Variants in MAF observed in about 807,000 individuals in gnomAD.
MAF encodes the protein transcription factor Maf.
In MAF, 10 loss-of-function variants were observed where a neutral mutation model predicts 22.0. That is an observed-to-expected ratio of 0.45 (90% CI 0.28 to 0.77). The LOEUF (loss-of-function observed/expected upper bound fraction) is 0.77. Ranked by LOEUF, MAF falls within the 30% of genes least tolerant of loss-of-function variation. The pLI is 0.12. For synonymous variants in MAF, 337 were observed against 255.8 expected, an observed-to-expected ratio of 1.32 and a Z score of -3.03; for missense variants, 544 against 548.4, an observed-to-expected ratio of 0.99 and a Z score of 0.08.
downstream of MAF, among the ~76,000 whole-genome samples, chr16:79,592,295 G>C (rs948898686): frequency 2.0e-5 from 3 of 152,144 alleles, no homozygotes; most frequent in African/African-American, 7.2e-5. Flanking sequence ...ACAATCATGA[G>C]ACAGCCTGGG....
chr16:79,488,638 G>T, the MAF span, among the ~76,000 whole-genome samples: 1 of 152,116 alleles, frequency 6.6e-6, no homozygotes, highest in African/African-American at 2.4e-5. Context: ...ACCATTATTA[G>T]AGAGACTGAA....
At chr16:79,296,409 T>C in the MAF span, among the ~76,000 whole-genome samples, 6 of 152,040 alleles carry the variant, frequency 3.9e-5, no homozygotes, top group Admixed American at 2.0e-4. Flanking sequence ...AAATAGCTAA[T>C]GCATGCGGGG....
the MAF span, among the ~76,000 whole-genome samples, chr16:79,488,460 A>T: frequency 6.6e-6 from 1 of 152,046 alleles, no homozygotes; most frequent in African/African-American, 2.4e-5. Context: ...GAGCCCACAT[A>T]ATCACTCTAT....
chr16:79,305,245 G>T, the MAF span, among the ~76,000 whole-genome samples: 3 of 152,196 alleles, frequency 2.0e-5, no homozygotes, highest in Non-Finnish European at 2.9e-5. Flanking sequence ...GGCCCTGACG[G>T]TTCCCACCAG....
At chr16:79,411,672 A>C in the MAF span, among the ~76,000 whole-genome samples, 8 of 152,180 alleles carry the variant, frequency 5.3e-5, no homozygotes, top group Non-Finnish European at 7.3e-5. Context: ...GCCAACTCCA[A>C]CTACTATCTT....
the MAF span, among the ~76,000 whole-genome samples, chr16:79,287,049 G>T: frequency 6.6e-6 from 1 of 152,046 alleles, no homozygotes; most frequent in South Asian, 2.1e-4. Flanking sequence ...CTGACTGTGG[G>T]AGCAGGGAGC....
the MAF span, among the ~76,000 whole-genome samples, chr16:79,300,828 T>C: frequency 6.6e-6 from 1 of 152,110 alleles, no homozygotes; most frequent in Non-Finnish European, 1.5e-5. Flanking sequence ...TTTAAGAGAT[T>C]ATTCAGAAGT....
At chr16:79,215,762 A>G in the MAF span, among the ~76,000 whole-genome samples, 1 of 152,242 alleles carries the variant, frequency 6.6e-6, no homozygotes, top group Non-Finnish European at 1.5e-5. Context: ...TTCAAGGTTT[A>G]AAGTAAACCC....
chr16:79,430,660 G>A, the MAF span, among the ~76,000 whole-genome samples: 8 of 152,196 alleles, frequency 5.3e-5, no homozygotes, highest in Non-Finnish European at 8.8e-5. Context: ...AAGCCTGGCA[G>A]GGGAGAGGGT....
the MAF span, among the ~76,000 whole-genome samples, chr16:79,349,827 T>G: frequency 2.6e-5 from 4 of 152,320 alleles, no homozygotes; most frequent in Non-Finnish European, 4.4e-5. Context: ...TGAAAGGCCC[T>G]TTGCAATCTG....
At chr16:79,385,965 C>G in the MAF span, among the ~76,000 whole-genome samples, 56 of 152,140 alleles carry the variant, frequency 3.7e-4, no homozygotes, top group Non-Finnish European at 7.1e-4. Context: ...TCCTGATCAC[C>G]TACTAGGCAC....
chr16:79,328,814 C>G, the MAF span, among the ~76,000 whole-genome samples: 3 of 152,226 alleles, frequency 2.0e-5, no homozygotes, highest in Non-Finnish European at 4.4e-5. Flanking sequence ...CAGCCTCTCT[C>G]TGTCAGATTG....
At chr16:79,591,124 C>G (rs543774899), downstream of MAF, among the ~76,000 whole-genome samples, 9 of 152,124 alleles carry the variant, frequency 5.9e-5, no homozygotes, top group African/African-American at 2.4e-5. Context: ...TTCTCCTGTT[C>G]CCTAACGGAA....
At chr16:79,423,386 C>T in the MAF span, among the ~76,000 whole-genome samples, 1 of 152,120 alleles carries the variant, frequency 6.6e-6, no homozygotes, top group Non-Finnish European at 1.5e-5. Flanking sequence ...GATGTGATGT[C>T]AGCCCCTCCT....
intron 1 of MAF, chr16:79,596,762 G>C: frequency 1.9e-6 from 2 of 1,044,990 alleles, no homozygotes; most frequent in Non-Finnish European, 2.3e-6. Context: ...TTTTTTTTAA[G>C]TTACAGAAAA....
chr16:79,516,839 G>A, the MAF span, among the ~76,000 whole-genome samples: 1 of 44,404 alleles, frequency 2.3e-5, no homozygotes, highest in African/African-American at 5.6e-5. Context: ...ACGTCTCAGG[G>A]CCAAGTTCTT....
At chr16:79,408,765 C>T in the MAF span, among the ~76,000 whole-genome samples, 3 of 151,778 alleles carry the variant, frequency 2.0e-5, no homozygotes, top group Non-Finnish European at 2.9e-5. Flanking sequence ...CTACTGTATT[C>T]CAGAAACTAA....
chr16:79,370,617 G>T, the MAF span, among the ~76,000 whole-genome samples: 1 of 152,330 alleles, frequency 6.6e-6, no homozygotes, highest in African/African-American at 2.4e-5. Context: ...CTAGGGTACA[G>T]AGGGATCATC....
the MAF span, among the ~76,000 whole-genome samples, chr16:79,499,834 A>T: frequency 6.6e-6 from 1 of 152,224 alleles, no homozygotes. Flanking sequence ...ACATATGTCC[A>T]TGTCCTAATC....
Sources: gnomAD v4.1 joint callset for allele counts (sites outside exome capture counted in the v4.1 genomes callset) on GRCh38, gnomAD v4.1.1 for gene constraint, MANE v1.5 for transcripts, NCBI Gene and HGNC (gene_info 2026-07-23, HGNC 2026-07-21) for gene names.